The following PWP1 variants were observed in gnomAD, a reference collection of about 807,000 sequenced individuals.
PWP1 encodes the protein periodic tryptophan protein 1 homolog.
PWP1 carries 47 observed loss-of-function variants against 69.9 expected under a neutral mutation model. The ratio of observed to expected loss-of-function variants is 0.67; its 90% CI spans 0.53 to 0.86. PWP1 has a LOEUF of 0.86. PWP1 is among the 40% of genes least tolerant of loss of function. The probability of loss-of-function intolerance (pLI) is 0.00; values close to 1 mark genes in which losing one functional copy is unlikely to be tolerated. For synonymous variants in PWP1, 222 were observed against 208.2 expected (o/e 1.07, Z -0.57); for missense variants, 551 against 608.8 (o/e 0.91, Z 1.00).
At chr12:107,696,643 T>A in intron 6 of PWP1, 59 bp downstream of exon 6, 1 of 1,598,850 alleles carries the variant, frequency 6.3e-7, no homozygotes, top group Non-Finnish European at 8.5e-7. Flanking sequence ...TTCTCCTAGC[T>A]CCATAAATTA....
rs769959413 is a variant in PWP1 at position 107,696,541 on chromosome 12, T to C, written c.570T>C (p.Ser190=). The change falls in exon 6 of 15, where the codon AGT becomes AGC. Residue 190 remains serine (S), a synonymous_variant. Transcript: ENST00000412830. ...HDILLSAYPL[S]VEWLNFDPSP... The stretch of plus-strand genomic sequence containing the variant: ...TACTCTTGTCTGCATATCCTCTGAG[T>C]GTGGAATGGCTGAATTTTGATCCTA... 6.2e-7 allele frequency: 1 copy of C among 1,614,124 alleles called. No individual in the cohort carries two copies. Among genetic ancestry groups the C allele is most frequent in the Non-Finnish European group, 8.5e-7 (1 of 1,180,008 alleles).
chr12:107,703,690 A>C lies in PWP1; in HGVS notation c.909A>C (p.Gln303His), dbSNP rs1253290622. 6.2e-7 allele frequency: 1 copy of C among 1,605,588 alleles called. No homozygotes were observed. The highest frequency in any genetic ancestry group is 1.1e-5 in the South Asian group (1 of 90,882). The change falls in exon 10 of 15, where the codon CAA becomes CAC. Residue 303 changes from glutamine to histidine, a missense_variant. By Grantham distance (24) the Gln-to-His change is conservative. Transcript: ENST00000412830. ...ASLAVHTDKV[Q>H]TLQFHPFEAQ... ...TTTATGTTTCCTCCCTTTAGGTCCA[A>C]ACACTGCAGTTTCATCCATTTGAAG...
At chr12:107,700,636 G>GGT (rs1359632737) in intron 8 of PWP1, among the ~76,000 whole-genome samples, 1 of 152,004 alleles carries the variant, frequency 6.6e-6, no homozygotes, top group African/African-American at 2.4e-5. Context: ...TATGAATGTG[G>GGT]GTGTACAAAT....
At chr12:107,689,700 C>T (rs1266945209) in intron 3 of PWP1, among the ~76,000 whole-genome samples, 4 of 152,006 alleles carry the variant, frequency 2.6e-5, no homozygotes, top group Admixed American at 6.6e-5. Context: ...GAGCCAAGAT[C>T]GTGCCACTGC....
chr12:107,704,799 T>C (rs773832364), intron 11 of PWP1, 52 bp downstream of exon 11: 2 of 1,409,612 alleles, frequency 1.4e-6, no homozygotes, highest in South Asian at 1.2e-5. Context: ...AATGACTTTT[T>C]AAATTCCATA....
At chr12:107,710,945 C>G (rs924360540) in intron 14 of PWP1, among the ~76,000 whole-genome samples, 24 of 151,850 alleles carry the variant, frequency 1.6e-4, no homozygotes, top group African/African-American at 5.8e-4. Flanking sequence ...TTGGGGAGAC[C>G]CTAACCCAGT....
intron 1 of PWP1, among the ~76,000 whole-genome samples, chr12:107,687,165 T>C (rs1889387073): frequency 6.6e-6 from 1 of 152,242 alleles, no homozygotes; most frequent in Admixed American, 6.5e-5. Context: ...TTAACAGGAA[T>C]GACGGATTGG....
chr12:107,699,683 G>GA (rs932081474), intron 8 of PWP1, among the ~76,000 whole-genome samples: 1 of 152,100 alleles, frequency 6.6e-6, no homozygotes, highest in African/African-American at 2.4e-5. Flanking sequence ...ACCACCACTG[G>GA]AAAAAAACAG....
At position 107,709,192 on chromosome 12, in the gene PWP1, G is replaced by GAGAT; in HGVS notation, c.1253_1256dup (p.Pro420Ter). 6.2e-7 allele frequency: 1 copy of GAGAT among 1,613,882 alleles called. No individual in the cohort carries two copies. Among genetic ancestry groups the GAGAT allele is most frequent in the Non-Finnish European group, 8.5e-7 (1 of 1,179,846 alleles). ...TACGTGAAGATCTGGGACATCTTAG[G>GAGAT]AGATAGGCCAAGTCTAGTTCATTCT... On this transcript the variant is annotated frameshift_variant, in exon 13 of 15. Coordinates refer to ENST00000412830, the MANE Select transcript of PWP1 (RefSeq NM_007062.3). LOFTEE classifies it high-confidence loss of function.
At position 107,696,492 on chromosome 12, in the gene PWP1, A is replaced by T; in HGVS notation, c.521A>T (p.Asp174Val). The T allele has an allele frequency of 1.9e-6, 3 of 1,612,804 alleles. No individual in the cohort carries two copies. Among genetic ancestry groups the T allele is most frequent in the Non-Finnish European group, 2.5e-6 (3 of 1,179,676 alleles). ...LEVHVYNQEE[D>V]SFYVHHDILL... ...TTTTCAGTTTATAATCAAGAAGAAG[A>T]CTCTTTTTATGTACACCATGATATA... Residue 174 changes from aspartate to valine, a missense_variant, in exon 6 of 15, where the codon GAC (aspartate) becomes GTC (valine). Transcript: ENST00000412830.
intron 8 of PWP1, among the ~76,000 whole-genome samples, chr12:107,700,025 G>A (rs73398381): frequency 4.9e-4 from 75 of 152,292 alleles, no homozygotes; most frequent in African/African-American, 1.8e-3. Context: ...GGCATGTGCA[G>A]AGGAACTCTC....
chr12:107,693,152 G>A, intron 5 of PWP1, 56 bp downstream of exon 5: 3 of 1,547,502 alleles, frequency 1.9e-6, no homozygotes, highest in Non-Finnish European at 2.6e-6. Context: ...AATAATAAGT[G>A]AAATAGTTAC....
At position 107,693,070 on chromosome 12, in the gene PWP1, A is replaced by G. The variant is rs140013921; in HGVS notation, c.476A>G (p.Gln159Arg). The change falls in exon 5 of 15, where the codon CAG (glutamine) becomes CGG (arginine). Residue 159 changes from glutamine to arginine, a missense_variant. Coordinates refer to ENST00000412830, the MANE Select transcript of PWP1 (RefSeq NM_007062.3). ...DNLIVCGRAE[Q>R]DQCNLEVHVY... ...CTTATAGTTTGTGGCCGAGCTGAAC[A>G]GGACCAGTGCAATTTAGAGGTGCAT... The G allele has an allele frequency of 4.1e-4, 658 of 1,613,934 alleles. No homozygotes were observed. The highest frequency in any genetic ancestry group is 5.2e-4 in the Non-Finnish European group (614 of 1,179,992).
At chr12:107,692,215 A>G (rs1226629868) in intron 3 of PWP1, among the ~76,000 whole-genome samples, 1 of 152,236 alleles carries the variant, frequency 6.6e-6, no homozygotes, top group Non-Finnish European at 1.5e-5. Flanking sequence ...AATTCAGTGT[A>G]TCTTCCTTTT....
intron 8 of PWP1, among the ~76,000 whole-genome samples, chr12:107,701,047 C>T (rs1889700277): frequency 1.3e-5 from 2 of 152,120 alleles, no homozygotes; most frequent in South Asian, 2.1e-4. Context: ...CATTTCTTAA[C>T]GATTAGTGAT....
rs146531497 is a variant in PWP1, at chr12:107,692,858, G to C, written c.364G>C (p.Gly122Arg). The C allele has an allele frequency of 5.5e-5, 89 of 1,613,784 alleles. No homozygotes were observed. Among genetic ancestry groups the C allele is most frequent in the Non-Finnish European group, 6.6e-5 (78 of 1,179,880 alleles). Residue 122 changes from glycine to arginine, a missense_variant, in exon 4 of 15, where the codon GGG becomes CGG. Transcript: ENST00000412830. ...ATCTCTCTTGGGTCTTACGGTCTAC[G>C]GGAGTAATGATCAAGATCCTTACGT... ...GESLLGLTVYGSNDQDPYVTL... is the reference protein window; with the variant it reads ...GESLLGLTVYRSNDQDPYVTL...
At chr12:107,688,919 C>G in intron 3 of PWP1, 117 bp downstream of exon 3, 1 of 1,095,066 alleles carries the variant, frequency 9.1e-7, no homozygotes, top group African/African-American at 1.6e-5. Context: ...GTAAGATAAT[C>G]TGGTTGAAGA....
chr12:107,695,265 CAA>C (rs564258184), intron 5 of PWP1, among the ~76,000 whole-genome samples: 1 of 141,872 alleles, frequency 7.0e-6, no homozygotes, highest in South Asian at 2.3e-4. Flanking sequence ...GACTCCATCT[CAA>C]AAAAAAAAAA....
At chr12:107,706,555 C>T (rs957136887) in intron 11 of PWP1, among the ~76,000 whole-genome samples, 2 of 152,138 alleles carry the variant, frequency 1.3e-5, no homozygotes, top group African/African-American at 4.8e-5. Context: ...AGTCTTTAAT[C>T]CATCTGGAAT....
Sources: allele counts gnomAD v4.1 joint callset (sites outside exome capture counted in the v4.1 genomes callset), GRCh38; gene constraint gnomAD v4.1.1; transcripts MANE v1.5; gene names NCBI Gene and HGNC (gene_info 2026-07-23, HGNC 2026-07-21).